ADH5: variants seen among roughly 807,000 people sequenced by gnomAD.
ADH5 encodes the protein alcohol dehydrogenase class-3.
In ADH5, 32 loss-of-function variants were observed where a neutral mutation model predicts 40.3. The observed-to-expected ratio is 0.79, with a 90% CI of 0.60 to 1.07. The LOEUF is 1.07. Among genes scored for constraint, ADH5 ranks in the 50% least tolerant of loss-of-function variants. The pLI is 0.00. For synonymous variants in ADH5, 125 were observed against 154.3 expected (o/e 0.81, Z 1.41); for missense variants, 353 against 460.5 (o/e 0.77, Z 2.14).
At chr4:99,081,557 A>G (rs1371857183) in intron 3 of ADH5, 105 bp from the exon 4 acceptor site, 2 of 798,328 alleles carry the variant, frequency 2.5e-6, no homozygotes, top group Admixed American at 5.4e-5. Flanking sequence ...GCAAAGTTAA[A>G]AACTTCAAGT....
chr4:99,085,652 G>A, intron 1 of ADH5: 1 of 304,322 alleles, frequency 3.3e-6, no homozygotes, highest in South Asian at 2.9e-5. Context: ...TGGGAAGGAG[G>A]ATTAGGAGTG....
intron 2 of ADH5, among the ~76,000 whole-genome samples, chr4:99,084,304 AAAG>A (rs1728086960): frequency 6.6e-6 from 1 of 152,192 alleles, no homozygotes; most frequent in African/African-American, 2.4e-5. Context: ...AGGCTGGGGT[AAAG>A]AAGCCAGCAA....
chr4:99,088,361 G>A (rs1358126698), intron 1 of ADH5, among the ~76,000 whole-genome samples: 1 of 152,160 alleles, frequency 6.6e-6, no homozygotes, highest in Non-Finnish European at 1.5e-5. Flanking sequence ...TTTCGTGTAA[G>A]AAGCAATGCG....
chr4:99,081,577 T>C, intron 3 of ADH5, 125 bp from the exon 4 acceptor site: 1 of 678,468 alleles, frequency 1.5e-6, no homozygotes, highest in African/African-American at 1.8e-5. Flanking sequence ...TCTTAGAACT[T>C]TACCTAGGTA....
intron 4 of ADH5, 118 bp downstream of exon 4, chr4:99,081,247 C>A: frequency 6.2e-5 from 34 of 547,778 alleles, no homozygotes; most frequent in East Asian, 1.1e-4. Flanking sequence ...GAACGTTAAT[C>A]CGACTGGGTT....
chr4:99,082,143 T>A, intron 2 of ADH5, 27 bp from the exon 3 acceptor site: 2 of 1,609,208 alleles, frequency 1.2e-6, no homozygotes, highest in South Asian at 1.1e-5. Context: ...ACAACGAATG[T>A]GTAAGTATGT....
intron 4 of ADH5, chr4:99,079,731 A>T (rs1727993859): frequency 3.8e-6 from 1 of 266,122 alleles, no homozygotes; most frequent in African/African-American, 2.3e-5. Context: ...TACAATAAAA[A>T]CAACTACCTT....
In ADH5 at chr4:99,076,955, G is replaced by A. The variant is rs1190214180; in HGVS notation, c.345-32C>T. On this transcript the variant is annotated intron_variant, in intron 4 of 8. Coordinates refer to ENST00000296412, the MANE Select transcript of ADH5 (RefSeq NM_000671.4). Reference sequence around the variant, plus strand: ...AAAAAAAAAGGAAAAAGGCAAGTTGGAATTAGGTTTCTTAAAACCCACAGG... The same window carrying A: ...AAAAAAAAAGGAAAAAGGCAAGTTGAAATTAGGTTTCTTAAAACCCACAGG... 3 of 1,509,686 alleles carry A rather than the reference G, an allele frequency of 2.0e-6. No individual in the cohort carries two copies. In the South Asian group the frequency reaches 3.7e-5, roughly 18 times the overall value. The allele number at this position is 1,509,686 out of a possible 1,614,324, so 93.5% of individuals were successfully genotyped here.
chr4:99,085,614 AC>A, intron 1 of ADH5: 1 of 360,850 alleles, frequency 2.8e-6, no homozygotes, highest in Non-Finnish European at 5.6e-6. Flanking sequence ...TGTTCTGAAT[AC>A]CACCGGCTTG....
At chr4:99,087,313 C>T (rs997646376) in intron 1 of ADH5, among the ~76,000 whole-genome samples, 2 of 141,958 alleles carry the variant, frequency 1.4e-5, no homozygotes. Context: ...ACCCGGGAGG[C>T]AAAGGTTGCA....
chr4:99,082,555 C>T (rs1193691453), intron 2 of ADH5, among the ~76,000 whole-genome samples: 1 of 152,180 alleles, frequency 6.6e-6, no homozygotes, highest in African/African-American at 2.4e-5. Flanking sequence ...CTGAAATAGG[C>T]CAGTCTGCTT....
rs28730609 is a variant in ADH5 at position 99,080,162 on chromosome 4, C to T, written c.344+1203G>A. 530 of 256,020 alleles carry T rather than the reference C, an allele frequency of 2.1e-3. 2 individuals carry two copies. The highest frequency in any genetic ancestry group is 0.012 in the African/African-American group (504 of 42,820). 15.9% of individuals were successfully genotyped at this position (256,020 alleles called of 1,614,324 possible). A position where few individuals can be genotyped will look rare whatever the true frequency, so the allele number is the denominator to read the frequency against. ...ACATCCGGATGACAATGTCTATACA[C>T]ACAAAAATCCCTAAAACTTATTGGT... is the stretch of plus-strand genomic sequence containing the variant. On this transcript the variant is annotated intron_variant, in intron 4 of 8. Coordinates refer to ENST00000296412, the MANE Select transcript of ADH5 (RefSeq NM_000671.4).
At chr4:99,081,243 T>C (rs56381328) in intron 4 of ADH5, 122 bp downstream of exon 4, 21 of 724,924 alleles carry the variant, frequency 2.9e-5, no homozygotes, top group East Asian at 2.9e-4. Context: ...CTTTGAACGT[T>C]AATCCGACTG....
intron 1 of ADH5, among the ~76,000 whole-genome samples, chr4:99,087,428 T>G (rs934347467): frequency 2.0e-5 from 3 of 151,174 alleles, no homozygotes; most frequent in African/African-American, 7.3e-5. Context: ...CTCTGTAAAT[T>G]GGTGAGGTTG....
chr4:99,086,767 C>T lies in ADH5; in HGVS notation c.13-1551G>A, dbSNP rs545127810. Among the ~76,000 whole-genome samples, 24 of 149,128 alleles carry T rather than the reference C, an allele frequency of 1.6e-4. No individual in the cohort carries two copies. The South Asian group carries it at 4.7e-3, about 29-fold the overall frequency. Reference sequence around the variant, plus strand: ...AGACCATCCTGGCTAGGTGAAACCCCGTCTCTACTAAAAATACAAAAAATT... The same window carrying T: ...AGACCATCCTGGCTAGGTGAAACCCTGTCTCTACTAAAAATACAAAAAATT... On this transcript the variant is annotated intron_variant, in intron 1 of 8. Coordinates refer to ENST00000296412, the MANE Select transcript of ADH5 (RefSeq NM_000671.4).
chr4:99,081,786 G>C, intron 3 of ADH5, 189 bp downstream of exon 3: 1 of 714,618 alleles, frequency 1.4e-6, no homozygotes, highest in Non-Finnish European at 2.2e-6. Context: ...CACAAAAACA[G>C]TAGTCTGCAA....
chr4:99,079,943 AT>A (rs1560754535), intron 4 of ADH5: 1 of 449,620 alleles, frequency 2.2e-6, no homozygotes, highest in Non-Finnish European at 4.4e-6. Flanking sequence ...TCTGTTTTAT[AT>A]CTTAACGGCT....
chr4:99,081,981 T>C lies in ADH5; in HGVS notation c.250A>G (p.Lys84Glu). The change falls in exon 3 of 9, where the codon AAG becomes GAG. Residue 84 changes from lysine (K) to glutamate (E), a missense_variant. Physicochemically the swap from Lys to Glu is moderately conservative, Grantham distance 56. Transcript: ENST00000296412. ...ESVGEGVTKL[K>E]AGDTVIPLYI... ...GTTCAAGTATTCTCCTTACCCGCCT[T>C]CAGCTTAGTAACTCCCTCACCAACA... 1 of 1,613,754 alleles carries C rather than the reference T, an allele frequency of 6.2e-7. No individual in the cohort carries two copies. The highest frequency in any genetic ancestry group is 1.3e-5 in the African/African-American group (1 of 75,048).
intron 7 of ADH5, among the ~76,000 whole-genome samples, chr4:99,073,851 G>C (rs28730637): frequency 0.012 from 1,829 of 152,254 alleles, 32 homozygotes; most frequent in African/African-American, 0.041. Context: ...AGATCCCCTG[G>C]ATCAGCCAGG....
Sources: allele counts gnomAD v4.1 joint callset (sites outside exome capture counted in the v4.1 genomes callset), GRCh38; gene constraint gnomAD v4.1.1; transcripts MANE v1.5; gene names NCBI Gene and HGNC (gene_info 2026-07-23, HGNC 2026-07-21).